Variants in BRD7 observed in about 807,000 individuals in gnomAD.
BRD7 encodes the protein bromodomain containing 7.
Under a neutral mutation model 82.1 loss-of-function variants are expected in BRD7, and 15 were observed. The ratio of observed to expected loss-of-function variants is 0.18; its 90% CI spans 0.12 to 0.28. BRD7 has a LOEUF of 0.28. Among genes scored for constraint, BRD7 ranks in the 10% least tolerant of loss-of-function variants. The pLI, the probability that BRD7 is intolerant of heterozygous loss-of-function variation, is 1.00. For missense variants in BRD7, 638 were observed against 779.9 expected, an observed-to-expected ratio of 0.82 and a Z score of 2.17; for synonymous variants, 232 against 266.9, an observed-to-expected ratio of 0.87 and a Z score of 1.27.
At chr16:50,344,789 G>C (rs2038215339) in intron 5 of BRD7, among the ~76,000 whole-genome samples, 1 of 152,222 alleles carries the variant, frequency 6.6e-6, no homozygotes, top group Non-Finnish European at 1.5e-5. Flanking sequence ...ATCTACATCT[G>C]ATTGGTGTAC....
rs2039262154 is a variant in BRD7, at chr16:50,368,780, A to C, written c.-6T>G. 3.3e-6 allele frequency: 5 copies of C among 1,511,824 alleles called. No individual in the cohort carries two copies. The highest frequency in any genetic ancestry group is 2.9e-5 in the East Asian group (1 of 34,104). 93.7% of individuals were successfully genotyped at this position (1,511,824 alleles called of 1,614,324 possible). ...TTCTTGTGCTTCTTGCCCATGTCCG[A>C]CCGGGCCCCGGTGCCCGCCCCCCGC... On this transcript the variant is annotated 5_prime_UTR_variant, in exon 1 of 17. Transcript: ENST00000394688.
intron 8 of BRD7, among the ~76,000 whole-genome samples, chr16:50,330,814 C>A (rs185306551): frequency 3.9e-5 from 6 of 152,136 alleles, no homozygotes; most frequent in African/African-American, 1.4e-4. Context: ...TTTCAAAATT[C>A]TCTTCAGTAA....
intron 10 of BRD7, 95 bp downstream of exon 10, chr16:50,326,189 G>A: frequency 1.0e-6 from 1 of 972,850 alleles, no homozygotes; most frequent in East Asian, 2.5e-5. Context: ...CCAAGATACT[G>A]GTGCCCACCT....
At chr16:50,368,017 G>T in intron 2 of BRD7, 73 bp downstream of exon 2, 350 of 1,312,340 alleles carry the variant, frequency 2.7e-4, no homozygotes, top group Non-Finnish European at 3.3e-4. Flanking sequence ...CAGATACAAA[G>T]AAAATAAAAT....
Position 50,318,488 on chromosome 16 carries a change from GCTTGCTGATAAA to G in BRD7, c.*711_*722del, listed in dbSNP as rs1382184814. 1 of 152,038 alleles carries G rather than the reference GCTTGCTGATAAA, an allele frequency of 6.6e-6. No homozygotes were observed. The highest frequency in any genetic ancestry group is 1.5e-5 in the Non-Finnish European group (1 of 68,000). The allele number at this position is 152,038 out of a possible 1,614,324, so 9.4% of individuals were successfully genotyped here. A position where few individuals can be genotyped will look rare whatever the true frequency, so the allele number is the denominator to read the frequency against. On this transcript the variant is annotated 3_prime_UTR_variant, in exon 17 of 17. Transcript: ENST00000394688. ...TTCAGCAAAATCACCATTTATCTCA[GCTTGCTGATAAA>G]AGGGGGCCATGAATCTTGTGGTCTC...
intron 16 of BRD7, among the ~76,000 whole-genome samples, chr16:50,319,684 G>C (rs910314721): frequency 2.0e-5 from 3 of 152,210 alleles, no homozygotes; most frequent in African/African-American, 7.2e-5. Context: ...TATATAAGTA[G>C]AGATGATTTG....
At chr16:50,339,261 GCTT>G (rs2037945838) in intron 6 of BRD7, among the ~76,000 whole-genome samples, 1 of 152,190 alleles carries the variant, frequency 6.6e-6, no homozygotes, top group African/African-American at 2.4e-5. Flanking sequence ...GTCACATGTA[GCTT>G]AATGAAGGGA....
rs780863150 is a variant in BRD7, at chr16:50,320,721, G to A, written c.1554C>T (p.Leu518=). 14 of 1,614,070 alleles carry A rather than the reference G, an allele frequency of 8.7e-6. No individual in the cohort carries two copies. The highest frequency in any genetic ancestry group is 2.2e-5 in the South Asian group (2 of 91,092). ...GRLDSSTQDR[L]IALKAVTNFG... The stretch of plus-strand genomic sequence containing the variant: ...AATTTGTTACTGCTTTCAGCGCTAT[G>A]AGCCTGTCTTGAGTACTGGAGTCCA... The change falls in exon 14 of 17, where the codon CTC becomes CTT. Residue 518 remains leucine, a synonymous_variant. Transcript: ENST00000394688.
At position 50,334,713 on chromosome 16, in the gene BRD7, T is replaced by C. The variant is rs1009303912; in HGVS notation, c.885A>G (p.Lys295=). The C allele has an allele frequency of 3.1e-6, 5 of 1,612,926 alleles. No homozygotes were observed. Among genetic ancestry groups the C allele is most frequent in the Non-Finnish European group, 4.2e-6 (5 of 1,179,560 alleles). ...HAFKSPSKEN[K]KKDKDMLEDK... is the part of the protein sequence containing the mutation. ...TTAACATCCCAAAGATCTTTTACTT[T>C]TTATTTTCTTTGCTGGGACTCTTGA... Residue 295 remains lysine (K), a splice_region_variant and synonymous_variant, in exon 7 of 17, where the codon AAA becomes AAG. Transcript: ENST00000394688.
intron 2 of BRD7, among the ~76,000 whole-genome samples, chr16:50,356,534 A>C (rs1363995275): frequency 1.3e-5 from 2 of 152,190 alleles, no homozygotes; most frequent in Non-Finnish European, 2.9e-5. Flanking sequence ...TACTGTTACA[A>C]GCTATGTATG....
At chr16:50,337,256 CTTTTTTTT>C (rs71138063) in intron 6 of BRD7, among the ~76,000 whole-genome samples, 3 of 93,254 alleles carry the variant, frequency 3.2e-5, no homozygotes, top group African/African-American at 4.5e-5. Flanking sequence ...GTTCATTCTT[CTTTTTTTT>C]TTTTTTTTTT....
At chr16:50,366,984 C>T (rs891653336) in intron 2 of BRD7, among the ~76,000 whole-genome samples, 3 of 152,002 alleles carry the variant, frequency 2.0e-5, no homozygotes, top group African/African-American at 7.3e-5. Flanking sequence ...TCCTACCTAG[C>T]CAAAGGTAAT....
chr16:50,339,751 G>C (rs72786280), intron 6 of BRD7, among the ~76,000 whole-genome samples: 22,101 of 152,122 alleles, frequency 0.15, 2,087 homozygotes, highest in Non-Finnish European at 0.21. Flanking sequence ...ATAATTACAA[G>C]TGAATGCCAA....
At chr16:50,360,670 T>G (rs1436847655) in intron 2 of BRD7, among the ~76,000 whole-genome samples, 3 of 152,226 alleles carry the variant, frequency 2.0e-5, no homozygotes, top group Admixed American at 2.0e-4. Flanking sequence ...TTTGAGCTCC[T>G]GTAGGATTTT....
intron 16 of BRD7, among the ~76,000 whole-genome samples, 184 bp from the exon 17 acceptor site, chr16:50,319,450 TATTA>T (rs1243671617): frequency 6.6e-6 from 1 of 152,232 alleles, no homozygotes; most frequent in Non-Finnish European, 1.5e-5. Flanking sequence ...AGGAAATCTT[TATTA>T]ATTCTTTAGA....
chr16:50,323,040 G>A (rs1349050193), intron 12 of BRD7, among the ~76,000 whole-genome samples: 1 of 152,162 alleles, frequency 6.6e-6, no homozygotes, highest in Non-Finnish European at 1.5e-5. Flanking sequence ...GAACGTTCTG[G>A]AGATCAACTC....
intron 2 of BRD7, among the ~76,000 whole-genome samples, chr16:50,361,135 T>C (rs1306676940): frequency 6.6e-6 from 1 of 152,172 alleles, no homozygotes; most frequent in African/African-American, 2.4e-5. Context: ...AGGATCAAAA[T>C]AGTAAATATA....
intron 2 of BRD7, among the ~76,000 whole-genome samples, chr16:50,363,883 C>A (rs932131417): frequency 3.3e-5 from 5 of 152,106 alleles, no homozygotes; most frequent in African/African-American, 9.6e-5. Flanking sequence ...TAGCAAGACC[C>A]CATCTTTACA....
Position 50,320,406 on chromosome 16 carries a change from A to AACAG in BRD7, c.1613-19_1613-16dup, listed in dbSNP as rs1567595553. 1.2e-6 allele frequency: 2 copies of AACAG among 1,611,350 alleles called. No individual in the cohort carries two copies. The highest frequency in any genetic ancestry group is 1.7e-4 in the Middle Eastern group (1 of 6,044). Reference sequence around the variant, plus strand: ...TATTTCAGCTTCTGTGTGGTAAGAAAACAGACACACTTCTGTTTGATCTTG... The same window carrying AACAG: ...TATTTCAGCTTCTGTGTGGTAAGAAAACAGACAGACACACTTCTGTTTGATCTTG... On this transcript the variant is annotated splice_polypyrimidine_tract_variant and intron_variant, in intron 14 of 16. Coordinates refer to ENST00000394688, the MANE Select transcript of BRD7 (RefSeq NM_013263.5).
Sources: allele counts gnomAD v4.1 joint callset (sites outside exome capture counted in the v4.1 genomes callset), GRCh38; gene constraint gnomAD v4.1.1; transcripts MANE v1.5; gene names NCBI Gene and HGNC (gene_info 2026-07-23, HGNC 2026-07-21).